The following ST6GALNAC6 variants were observed in gnomAD, a reference collection of about 807,000 sequenced individuals.
ST6GALNAC6 encodes alpha-N-acetylgalactosaminide alpha-2,6-sialyltransferase 6.
ST6GALNAC6 carries 19 observed loss-of-function variants against 34.3 expected under a neutral mutation model. That is an observed-to-expected ratio of 0.55 (90% CI 0.39 to 0.81). ST6GALNAC6 has a LOEUF of 0.81. Among genes scored for constraint, ST6GALNAC6 ranks in the 40% least tolerant of loss-of-function variants. The pLI, the probability that ST6GALNAC6 is intolerant of heterozygous loss-of-function variation, is 0.00. For synonymous variants in ST6GALNAC6, 185 were observed against 182.1 expected (o/e 1.02, Z -0.13); for missense variants, 377 against 467.7 (o/e 0.81, Z 1.79).
chr9:127,901,316 C>T (rs1407193245), upstream of ST6GALNAC6, among the ~76,000 whole-genome samples: 1 of 152,082 alleles, frequency 6.6e-6, no homozygotes, highest in Admixed American at 6.5e-5. Flanking sequence ...AGGGGCCGGG[C>T]GCGGTGGCTC....
At chr9:127,887,665 G>A (rs938971337) in intron 5 of ST6GALNAC6, 74 bp from the exon 6 acceptor site, 3 of 1,256,126 alleles carry the variant, frequency 2.4e-6, no homozygotes, top group East Asian at 2.5e-5. Context: ...GGTCACCCAC[G>A]TGGAGTTCCC....
At chr9:127,894,168 G>T (rs1004520253) in intron 4 of ST6GALNAC6, among the ~76,000 whole-genome samples, 1 of 152,162 alleles carries the variant, frequency 6.6e-6, no homozygotes, top group South Asian at 2.1e-4. Flanking sequence ...AAAGGCAGCC[G>T]GTATTATTAC....
upstream of ST6GALNAC6, among the ~76,000 whole-genome samples, chr9:127,901,566 G>A (rs1405467664): frequency 6.6e-6 from 1 of 152,062 alleles, no homozygotes; most frequent in African/African-American, 2.4e-5. Flanking sequence ...AGTGAGCCCA[G>A]ATCGTGCCAC....
exon 1 of ST6GALNAC6, chr9:127,905,240 G>A: frequency 1.0e-6 from 1 of 985,572 alleles, no homozygotes; most frequent in African/African-American, 1.7e-5. Flanking sequence ...TGTGGCAAAA[G>A]CAGAGAGTCT....
chr9:127,888,621 A>C (rs1316651951), intron 5 of ST6GALNAC6, among the ~76,000 whole-genome samples: 1 of 151,926 alleles, frequency 6.6e-6, no homozygotes, highest in East Asian at 1.9e-4. Context: ...AGCCTGGCCA[A>C]CATGGTGAAA....
At position 127,896,384 on chromosome 9, in the gene ST6GALNAC6, A is replaced by G. The variant is rs370533917; in HGVS notation, c.27-52T>C. On this transcript the variant is annotated intron_variant, in intron 2 of 6. Transcript: ENST00000373146. ...TGGCTTCGGTCCTTTGGGTCCAGCA[A>G]GCCAAAGGCTACACCTTCTCTGCCC... 242 of 1,504,682 alleles carry G rather than the reference A, an allele frequency of 1.6e-4. No individual in the cohort carries two copies. The African/African-American group carries it at 2.9e-3, about 18-fold the overall frequency. 93.2% of individuals were successfully genotyped at this position (1,504,682 alleles called of 1,614,324 possible). A position where few individuals can be genotyped will look rare whatever the true frequency, so the allele number is the denominator to read the frequency against.
upstream of ST6GALNAC6, among the ~76,000 whole-genome samples, chr9:127,901,278 A>C (rs2417061): frequency 0.91 from 138,116 of 152,186 alleles, 63,791 homozygotes; most frequent in East Asian, 1. Flanking sequence ...AAAAAGAGGT[A>C]TTGGAAGATA....
chr9:127,905,435 T>C, upstream of ST6GALNAC6: 1 of 985,556 alleles, frequency 1.0e-6, no homozygotes, highest in Non-Finnish European at 1.2e-6. Context: ...AGGGCCAGGT[T>C]AGAGGAGCCT....
intron 1 of ST6GALNAC6, 157 bp downstream of exon 1, chr9:127,899,346 G>T: frequency 3.3e-6 from 1 of 305,364 alleles, no homozygotes; most frequent in Non-Finnish European, 4.8e-6. Context: ...ACCTCGGGGC[G>T]CGGCTACCAA....
chr9:127,887,328 AAGG>A (rs779233371), intron 6 of ST6GALNAC6, among the ~76,000 whole-genome samples, 153 bp downstream of exon 6: 2 of 152,088 alleles, frequency 1.3e-5, no homozygotes, highest in South Asian at 2.1e-4. Context: ...GCCCCTGAGG[AAGG>A]AGAAGAAGCC....
chr9:127,899,551 TG>T lies in ST6GALNAC6; in HGVS notation c.-79del, dbSNP rs1482336091. ...CCCGCGGCCCCCGAGCCCCCTCACA[TG>T]GCGCCGGGAGCCGAGCGCCGGGGTC... On this transcript the variant is annotated 5_prime_UTR_variant, in exon 1 of 7. Coordinates refer to ENST00000373146, the MANE Select transcript of ST6GALNAC6 (RefSeq NM_013443.5). 1.0e-6 allele frequency: 1 copy of T among 980,384 alleles called. No homozygotes were observed. The highest frequency in any genetic ancestry group is 1.8e-5 in the African/African-American group (1 of 56,622). 60.7% of individuals were successfully genotyped at this position (980,384 alleles called of 1,614,324 possible). A position where few individuals can be genotyped will look rare whatever the true frequency, so the allele number is the denominator to read the frequency against.
upstream of ST6GALNAC6, chr9:127,906,095 G>A (rs552059398): frequency 8.4e-5 from 78 of 933,222 alleles, no homozygotes; most frequent in African/African-American, 8.3e-4. Context: ...GCACAAAAGC[G>A]GTGCTGTGAA....
At chr9:127,897,373 C>G in intron 2 of ST6GALNAC6, 2 of 986,000 alleles carry the variant, frequency 2.0e-6, no homozygotes, top group Non-Finnish European at 2.4e-6. Flanking sequence ...TTTGACCTAG[C>G]CGCTGTTTAC....
At chr9:127,901,734 C>T (rs1418047665), upstream of ST6GALNAC6, among the ~76,000 whole-genome samples, 1 of 152,194 alleles carries the variant, frequency 6.6e-6, no homozygotes, top group Non-Finnish European at 1.5e-5. Flanking sequence ...GAGTTTGAGA[C>T]AAGCCAGACC....
chr9:127,888,880 G>A (rs145100414), intron 5 of ST6GALNAC6, among the ~76,000 whole-genome samples: 183 of 152,276 alleles, frequency 1.2e-3, no homozygotes, highest in Non-Finnish European at 2.2e-3. Context: ...ACCAAGGCAA[G>A]GAAGTCCACT....
At chr9:127,894,366 T>C in intron 4 of ST6GALNAC6, 146 bp downstream of exon 4, 1 of 1,018,894 alleles carries the variant, frequency 9.8e-7, no homozygotes, top group Admixed American at 2.6e-5. Context: ...AGCGCACTTA[T>C]CCAAGGTCAC....
At chr9:127,903,386 A>G (rs1830828201), upstream of ST6GALNAC6, 1 of 152,216 alleles carries the variant, frequency 6.6e-6, no homozygotes, top group Non-Finnish European at 1.5e-5. Context: ...GACTACCAGC[A>G]GTTGATTCCC....
upstream of ST6GALNAC6, among the ~76,000 whole-genome samples, chr9:127,901,886 C>T (rs1336092888): frequency 1.3e-5 from 2 of 151,992 alleles, no homozygotes; most frequent in East Asian, 1.9e-4. Context: ...TGACCGAGAT[C>T]GTGCCGCTGC....
chr9:127,898,936 T>C (rs1830629587), intron 1 of ST6GALNAC6, among the ~76,000 whole-genome samples: 1 of 152,100 alleles, frequency 6.6e-6, no homozygotes, highest in Non-Finnish European at 1.5e-5. Context: ...GCCAGGAGCA[T>C]GGACTCAGCC....
Sources: allele counts gnomAD v4.1 joint callset (sites outside exome capture counted in the v4.1 genomes callset), GRCh38; gene constraint gnomAD v4.1.1; transcripts MANE v1.5; gene names NCBI Gene and HGNC (gene_info 2026-07-23, HGNC 2026-07-21).